KCNQ5: variants seen among roughly 807,000 people sequenced by gnomAD.
KCNQ5 encodes potassium voltage-gated channel subfamily KQT member 5.
KCNQ5 carries 30 observed loss-of-function variants against 98.2 expected under a neutral mutation model. The observed-to-expected ratio is 0.31, with a 90% confidence interval of 0.23 to 0.41. The LOEUF (loss-of-function observed/expected upper bound fraction) is 0.41, where lower values mean the gene tolerates loss of function less well. Among genes scored for constraint, KCNQ5 ranks in the 10% least tolerant of loss-of-function variants. The pLI is 1.00. For synonymous variants in KCNQ5, 458 were observed against 449.4 expected, an observed-to-expected ratio of 1.02 and a Z score of -0.24; for missense variants, 835 against 1,182.5, an observed-to-expected ratio of 0.71 and a Z score of 4.31.
intron 1 of KCNQ5, among the ~76,000 whole-genome samples, chr6:72,819,897 A>G (rs541473525): frequency 6.6e-6 from 1 of 152,074 alleles, no homozygotes; most frequent in South Asian, 2.1e-4. Context: ...TGGAAATAGA[A>G]CCCTACATTT....
At chr6:73,099,062 G>A (rs112979804) in intron 5 of KCNQ5, among the ~76,000 whole-genome samples, 19 of 152,002 alleles carry the variant, frequency 1.2e-4, no homozygotes, top group South Asian at 1.2e-3. Context: ...TTATGCAATC[G>A]GAGTTAAATT....
At position 73,116,048 on chromosome 6, in the gene KCNQ5, A is replaced by C. The variant is rs145978449; in HGVS notation, c.1126-4435A>C. 1.4e-3 allele frequency among the ~76,000 whole-genome samples: 213 copies of C among 152,340 alleles called. 2 individuals are homozygous for C. Among genetic ancestry groups the C allele is most frequent in the African/African-American group, 5.0e-3 (208 of 41,578 alleles). On this transcript the variant is annotated intron_variant, in intron 7 of 13. Transcript: ENST00000370398. ...TATAGTTCTGTTGGAAAGATCTGGAATGTAATCATAACAGGTACATATATG... is the reference window on the plus strand; with the variant it reads ...TATAGTTCTGTTGGAAAGATCTGGACTGTAATCATAACAGGTACATATATG...
Position 73,133,817 on chromosome 6 carries a change from A to T in KCNQ5, c.1468+176A>T, listed in dbSNP as rs1013657375. ...ATTGCCTTGGGCAAATGTACAGAAC[A>T]TAAGTTTACTTTTGGAAACCACTTT... On this transcript the variant is annotated intron_variant, in intron 10 of 13. Coordinates refer to ENST00000370398, the MANE Select transcript of KCNQ5 (RefSeq NM_019842.4). The T allele has an allele frequency of 1.7e-5, 13 of 767,552 alleles. No individual in the cohort carries two copies. In the African/African-American group the frequency reaches 1.7e-4, roughly 10 times the overall value. 47.5% of individuals were successfully genotyped at this position (767,552 alleles called of 1,614,324 possible). A position where few individuals can be genotyped will look rare whatever the true frequency, so the allele number is the denominator to read the frequency against.
At chr6:72,783,795 C>T (rs986132079) in intron 1 of KCNQ5, among the ~76,000 whole-genome samples, 2 of 152,200 alleles carry the variant, frequency 1.3e-5, no homozygotes, top group Non-Finnish European at 2.9e-5. Context: ...TAATATGTCT[C>T]TGTGCTGTAG....
chr6:73,097,094 G>A (rs1774536690), intron 5 of KCNQ5, among the ~76,000 whole-genome samples: 2 of 143,038 alleles, frequency 1.4e-5, no homozygotes, highest in South Asian at 2.3e-4. Flanking sequence ...ATTTTGAAAT[G>A]CACAATACAC....
chr6:72,971,480 G>A (rs904846151), intron 1 of KCNQ5, among the ~76,000 whole-genome samples: 3 of 152,178 alleles, frequency 2.0e-5, no homozygotes, highest in African/African-American at 7.2e-5. Context: ...ATTTGACCCA[G>A]CCATCCCATT....
At chr6:72,642,002 G>A (rs2098927449) in intron 1 of KCNQ5, among the ~76,000 whole-genome samples, 1 of 150,920 alleles carries the variant, frequency 6.6e-6, no homozygotes, top group Non-Finnish European at 1.5e-5. Context: ...TAACCTCCAC[G>A]CTGATGGTCC....
intron 1 of KCNQ5, among the ~76,000 whole-genome samples, chr6:72,838,100 C>G (rs1487606262): frequency 9.6e-6 from 1 of 104,210 alleles, no homozygotes; most frequent in Non-Finnish European, 1.8e-5. Context: ...CTATCCCTCC[C>G]CCCTCCCCCC....
At chr6:72,826,982 C>A (rs769900808) in intron 1 of KCNQ5, among the ~76,000 whole-genome samples, 6 of 152,130 alleles carry the variant, frequency 3.9e-5, no homozygotes, top group Non-Finnish European at 7.4e-5. Context: ...TGGTGTTTAA[C>A]TTTATGTTCC....
intron 5 of KCNQ5, among the ~76,000 whole-genome samples, chr6:73,096,336 C>CAAAAA (rs151045845): frequency 4.9e-4 from 57 of 115,270 alleles, no homozygotes; most frequent in African/African-American, 1.5e-3. Flanking sequence ...GGTCCTTAGG[C>CAAAAA]AAAAAAAAAA....
chr6:72,837,772 TA>T (rs1776571771), intron 1 of KCNQ5, among the ~76,000 whole-genome samples: 2 of 151,558 alleles, frequency 1.3e-5, no homozygotes, highest in African/African-American at 4.8e-5. Context: ...TATATATGTT[TA>T]AACATGTTAT....
intron 11 of KCNQ5, among the ~76,000 whole-genome samples, chr6:73,181,955 T>G (rs1447686149): frequency 6.6e-6 from 1 of 152,192 alleles, no homozygotes; most frequent in Admixed American, 6.5e-5. Context: ...ATCTTAAAGG[T>G]CCTAATTTAA....
At chr6:73,145,658 G>A (rs1776891819) in intron 10 of KCNQ5, among the ~76,000 whole-genome samples, 2 of 152,188 alleles carry the variant, frequency 1.3e-5, no homozygotes, top group African/African-American at 4.8e-5. Context: ...ATGATTTTGG[G>A]GTTAACATGT....
chr6:72,880,528 A>G (rs9986400), intron 1 of KCNQ5, among the ~76,000 whole-genome samples: 42,923 of 152,104 alleles, frequency 0.28, 6,571 homozygotes, highest in East Asian at 0.54. Context: ...TTCAGACCAT[A>G]GCACTTGCTA....
rs1765771371 is a variant in KCNQ5, at chr6:73,195,786, A to C, written c.*372A>C. The C allele has an allele frequency of 9.4e-6, 2 of 213,068 alleles. No individual in the cohort carries two copies. The highest frequency in any genetic ancestry group is 1.9e-5 in the Non-Finnish European group (2 of 104,230). The allele number at this position is 213,068 out of a possible 1,614,324, so 13.2% of individuals were successfully genotyped here. ...TTCAGGCATTTCTGCTTTGTGACTA[A>C]ATACAAACTACATTTTCAAGATTAG... On this transcript the variant is annotated 3_prime_UTR_variant, in exon 14 of 14. Transcript: ENST00000370398.
At chr6:72,810,419 A>G (rs1025075854) in intron 1 of KCNQ5, among the ~76,000 whole-genome samples, 10 of 152,192 alleles carry the variant, frequency 6.6e-5, no homozygotes, top group Admixed American at 5.9e-4. Flanking sequence ...TTCATGTGGT[A>G]TGTTGCTGGG....
chr6:72,747,551 T>G (rs1288564173), intron 1 of KCNQ5, among the ~76,000 whole-genome samples: 1 of 152,138 alleles, frequency 6.6e-6, no homozygotes, highest in Non-Finnish European at 1.5e-5. Context: ...TATACTACAA[T>G]TTTCTTTCTT....
intron 2 of KCNQ5, among the ~76,000 whole-genome samples, chr6:73,012,968 A>C (rs1420869603): frequency 6.6e-6 from 1 of 152,130 alleles, no homozygotes; most frequent in East Asian, 1.9e-4. Flanking sequence ...AAACTCTTGG[A>C]AAGATAGCAA....
intron 1 of KCNQ5, among the ~76,000 whole-genome samples, chr6:72,927,390 G>A (rs7740837): frequency 0.3 from 45,265 of 151,812 alleles, 6,880 homozygotes; most frequent in South Asian, 0.33. Flanking sequence ...ACTACAAATC[G>A]GAGAAGCAAG....
Sources: allele counts gnomAD v4.1 joint callset (sites outside exome capture counted in the v4.1 genomes callset), GRCh38; gene constraint gnomAD v4.1.1; transcripts MANE v1.5; gene names NCBI Gene and HGNC (gene_info 2026-07-23, HGNC 2026-07-21).